Variants in LCLAT1 observed in about 807,000 individuals in gnomAD.
LCLAT1 encodes 1-AGP acyltransferase 8.
In LCLAT1, 11 loss-of-function variants were observed where a neutral mutation model predicts 30.7. The ratio of observed to expected loss-of-function variants is 0.36; its 90% CI spans 0.23 to 0.59. The LOEUF (loss-of-function observed/expected upper bound fraction) is 0.59, where lower values mean the gene tolerates loss of function less well. Among genes scored for constraint, LCLAT1 ranks in the 20% least tolerant of loss-of-function variants. LCLAT1 has a pLI of 0.77. For missense variants in LCLAT1, 402 were observed against 458.6 expected, an observed-to-expected ratio of 0.88 and a Z score of 1.13; for synonymous variants, 155 against 151.3, an observed-to-expected ratio of 1.02 and a Z score of -0.18.
chr2:30,567,628 C>CA (rs1437195250), intron 4 of LCLAT1, among the ~76,000 whole-genome samples: 1 of 152,164 alleles, frequency 6.6e-6, no homozygotes, highest in Non-Finnish European at 1.5e-5. Context: ...TCCGGATGGG[C>CA]AGTTACCCGA....
At chr2:30,604,351 CTGTCTT>C (rs1667330126) in intron 5 of LCLAT1, among the ~76,000 whole-genome samples, 1 of 147,044 alleles carries the variant, frequency 6.8e-6, no homozygotes, top group African/African-American at 2.5e-5. Context: ...AGCTGTCTAG[CTGTCTT>C]TTAATCAGCA....
rs140036224 is a variant in LCLAT1, at chr2:30,640,143, A to G, written c.655A>G (p.Ile219Val). The change falls in exon 6 of 6, where the codon ATC becomes GTC. Residue 219 changes from isoleucine to valine, a missense_variant. Ile to Val is a conservative substitution (Grantham distance 29). Transcript: ENST00000379509. ...TAAGAACCTTGATGCTGTCCATGAT[A>G]TCACTGTGGCGTATCCTCACAACAT... Reference protein sequence around the residue: ...EGKNLDAVHDITVAYPHNIPQ... With the variant: ...EGKNLDAVHDVTVAYPHNIPQ... The G allele has an allele frequency of 3.1e-6, 5 of 1,613,228 alleles. No individual in the cohort carries two copies. The highest frequency in any genetic ancestry group is 4.2e-6 in the Non-Finnish European group (5 of 1,179,678).
At chr2:30,627,250 A>G (rs192018515) in intron 5 of LCLAT1, among the ~76,000 whole-genome samples, 28 of 152,266 alleles carry the variant, frequency 1.8e-4, no homozygotes, top group African/African-American at 6.3e-4. Context: ...TCCCTCCCCC[A>G]GTTCCCCATT....
chr2:30,485,827 A>T (rs1683534004), intron 1 of LCLAT1, among the ~76,000 whole-genome samples: 3 of 152,152 alleles, frequency 2.0e-5, no homozygotes, highest in Admixed American at 1.3e-4. Flanking sequence ...GCTATAGCAG[A>T]TTGTTTTTTA....
At chr2:30,635,595 A>T (rs954813144) in intron 5 of LCLAT1, among the ~76,000 whole-genome samples, 7 of 152,190 alleles carry the variant, frequency 4.6e-5, no homozygotes, top group Non-Finnish European at 8.8e-5. Context: ...AACTTTTGGA[A>T]TATTACCTTT....
At chr2:30,620,388 C>T (rs1026192311) in intron 5 of LCLAT1, among the ~76,000 whole-genome samples, 1 of 152,182 alleles carries the variant, frequency 6.6e-6, no homozygotes, top group African/African-American at 2.4e-5. Context: ...TCTTAGGCTA[C>T]TAGAGTTTGA....
intron 1 of LCLAT1, among the ~76,000 whole-genome samples, chr2:30,448,930 G>A (rs1681403471): frequency 6.6e-6 from 1 of 152,214 alleles, no homozygotes; most frequent in South Asian, 2.1e-4. Context: ...ATGTGTGAAA[G>A]GGCTTTAAAA....
At chr2:30,535,328 A>G (rs7605131) in intron 3 of LCLAT1, among the ~76,000 whole-genome samples, 21,344 of 152,184 alleles carry the variant, frequency 0.14, 1,589 homozygotes, top group South Asian at 0.23. Flanking sequence ...GAAGAGTACT[A>G]AGAGTGGGGA....
chr2:30,555,006 A>G (rs138406468), intron 3 of LCLAT1, among the ~76,000 whole-genome samples: 2,307 of 152,272 alleles, frequency 0.015, 29 homozygotes, highest in Non-Finnish European at 0.023. Context: ...GAGTTTATCA[A>G]CTGCTGAGCA....
Position 30,640,841 on chromosome 2 carries a change from G to A in LCLAT1, c.*222G>A, listed in dbSNP as rs942287842. 1.7e-5 allele frequency: 8 copies of A among 481,316 alleles called. No homozygotes were observed. Among genetic ancestry groups the A allele is most frequent in the South Asian group, 8.9e-5 (3 of 33,554 alleles). 29.8% of individuals were successfully genotyped at this position (481,316 alleles called of 1,614,324 possible). A position where few individuals can be genotyped will look rare whatever the true frequency, so the allele number is the denominator to read the frequency against. On this transcript the variant is annotated 3_prime_UTR_variant, in exon 6 of 6. Coordinates refer to ENST00000379509, the MANE Select transcript of LCLAT1 (RefSeq NM_001002257.3). Reference sequence around the variant, plus strand: ...ACTGTGTACATAGCAGGGAGTGATCGGGGTGAAATAACTTGGGCCAGAATA... The same window carrying A: ...ACTGTGTACATAGCAGGGAGTGATCAGGGTGAAATAACTTGGGCCAGAATA...
At chr2:30,524,499 GA>G (rs1258779624) in intron 1 of LCLAT1, among the ~76,000 whole-genome samples, 2 of 152,190 alleles carry the variant, frequency 1.3e-5, no homozygotes, top group African/African-American at 2.4e-5. Flanking sequence ...ACTGTGGTTT[GA>G]ATGTTATATG....
chr2:30,477,972 C>CAA (rs543584455), intron 1 of LCLAT1, among the ~76,000 whole-genome samples: 2 of 149,224 alleles, frequency 1.3e-5, no homozygotes, highest in Non-Finnish European at 3.0e-5. Context: ...TGAAAAATCT[C>CAA]AAAGATTTAC....
In LCLAT1 at chr2:30,486,905, T is replaced by G. The variant is rs376769171; in HGVS notation, c.-4-38682T>G. ...AGTATTACATATGCAAGAAGCAAAT[T>G]ACTGTGTTAAGCCATTATGTGTTTG... On this transcript the variant is annotated intron_variant, in intron 1 of 5. Coordinates refer to ENST00000379509, the MANE Select transcript of LCLAT1 (RefSeq NM_001002257.3). Among the ~76,000 whole-genome samples the G allele has an allele frequency of 9.8e-5, 15 of 152,310 alleles. 1 individual carries two copies. The highest frequency in any genetic ancestry group is 3.6e-4 in the African/African-American group (15 of 41,568).
chr2:30,627,146 A>G (rs982971649), intron 5 of LCLAT1, among the ~76,000 whole-genome samples: 3 of 152,194 alleles, frequency 2.0e-5, no homozygotes, highest in African/African-American at 7.2e-5. Context: ...CAAAAGTGAG[A>G]CTTATTTTAA....
rs555574856 is a variant in LCLAT1 at position 30,608,573 on chromosome 2, T to TA, written c.629-31543dup. ...TTTTTTATCTTTTATACTGTATTTT[T>TA]ACCATACCTTTTCTATGTTTAGACA... On this transcript the variant is annotated intron_variant, in intron 5 of 5. Coordinates refer to ENST00000379509, the MANE Select transcript of LCLAT1 (RefSeq NM_001002257.3). Among the ~76,000 whole-genome samples, 549 of 152,220 alleles carry TA rather than the reference T, an allele frequency of 3.6e-3. 2 individuals carry two copies. Among genetic ancestry groups the TA allele is most frequent in the African/African-American group, 0.011 (478 of 41,572 alleles).
chr2:30,537,124 G>A (rs1686285554), intron 3 of LCLAT1, among the ~76,000 whole-genome samples: 1 of 151,842 alleles, frequency 6.6e-6, no homozygotes, highest in Non-Finnish European at 1.5e-5. Flanking sequence ...GCTCACGCCT[G>A]TAATCCCAGC....
chr2:30,567,110 G>T (rs1665522248), intron 4 of LCLAT1, among the ~76,000 whole-genome samples: 1 of 152,040 alleles, frequency 6.6e-6, no homozygotes, highest in African/African-American at 2.4e-5. Context: ...ATTGTATTTT[G>T]TTAGTGTCTT....
intron 3 of LCLAT1, among the ~76,000 whole-genome samples, chr2:30,550,266 T>G (rs1014675435): frequency 2.0e-5 from 3 of 152,230 alleles, no homozygotes; most frequent in Non-Finnish European, 4.4e-5. Context: ...TGTTAACATC[T>G]TATATGGTAT....
intron 5 of LCLAT1, among the ~76,000 whole-genome samples, chr2:30,591,594 T>C (rs1227141995): frequency 6.6e-6 from 1 of 152,206 alleles, no homozygotes; most frequent in Non-Finnish European, 1.5e-5. Context: ...TTATGTGTGT[T>C]ATATTACTGA....
Sources: gnomAD v4.1 joint callset for allele counts (sites outside exome capture counted in the v4.1 genomes callset) on GRCh38, gnomAD v4.1.1 for gene constraint, MANE v1.5 for transcripts, NCBI Gene and HGNC (gene_info 2026-07-23, HGNC 2026-07-21) for gene names.